RYR3: variants seen among roughly 807,000 people sequenced by gnomAD.
RYR3 encodes the protein ryanodine receptor 3.
RYR3 carries 207 observed loss-of-function variants against 584.3 expected under a neutral mutation model. The observed-to-expected ratio is 0.35, with a 90% CI of 0.32 to 0.40. The LOEUF (loss-of-function observed/expected upper bound fraction) is 0.40. Among genes scored for constraint, RYR3 ranks in the 10% least tolerant of loss-of-function variants. The pLI is 1.00. For missense variants in RYR3, 5,616 were observed against 6,089.2 expected, an observed-to-expected ratio of 0.92 and a Z score of 2.59; for synonymous variants, 2,416 against 2,248.5, an observed-to-expected ratio of 1.07 and a Z score of -2.11.
In RYR3 at chr15:33,780,306, C is replaced by T. The variant is rs1465857409; in HGVS notation, c.9233C>T (p.Ser3078Leu). Residue 3078 changes from serine (S) to leucine (L), a missense_variant, in exon 65 of 104, where the codon TCG becomes TTG. By Grantham distance (145) the Ser-to-Leu change is moderately radical (BLOSUM62 -2). Transcript: ENST00000634891. ...EPTLNRYNPL[S>L]VFNTKTPRER... ...ACCCTTAATCGCTACAATCCACTCTCGGTCTTCAACACCAAAACCCCCAGG... is the reference window on the plus strand; with the variant it reads ...ACCCTTAATCGCTACAATCCACTCTTGGTCTTCAACACCAAAACCCCCAGG... 8 of 1,613,888 alleles carry T rather than the reference C, an allele frequency of 5.0e-6. No individual in the cohort carries two copies. In the African/African-American group the frequency reaches 6.7e-5, roughly 13 times the overall value.
intron 1 of RYR3, among the ~76,000 whole-genome samples, chr15:33,318,909 G>A (rs144582487): frequency 2.6e-4 from 39 of 152,208 alleles, no homozygotes; most frequent in African/African-American, 9.1e-4. Flanking sequence ...TCATTAACAC[G>A]TCACTCATAC....
At position 33,812,883 on chromosome 15, in the gene RYR3, A is replaced by G. The variant is rs16958093; in HGVS notation, c.10278A>G (p.Lys3426=). The part of the protein sequence containing the change: ...LQEKSDDPAV[K]WQLNLYKDVL... ...TTCAGTCTGATGACCCAGCTGTAAA[A>G]TGGCAACTGAACCTCTACAAGGATG... Residue 3426 remains lysine (K), a synonymous_variant, in exon 73 of 104, where the codon AAA becomes AAG. Transcript: ENST00000634891. 6.1e-3 allele frequency: 9,843 copies of G among 1,613,862 alleles called. 490 individuals are homozygous for G. The African/African-American group carries it at 0.11, about 18-fold the overall frequency.
chr15:33,484,748 A>G (rs1256393943), intron 2 of RYR3, among the ~76,000 whole-genome samples: 1 of 152,168 alleles, frequency 6.6e-6, no homozygotes, highest in African/African-American at 2.4e-5. Context: ...TAGGGCATAT[A>G]TTGGAGGAGG....
intron 69 of RYR3, among the ~76,000 whole-genome samples, chr15:33,805,934 T>TCCTCCCTTCC (rs1250971855): frequency 6.8e-6 from 1 of 147,698 alleles, no homozygotes; most frequent in Non-Finnish European, 1.5e-5. Context: ...TCCCCTTTTC[T>TCCTCCCTTCC]CCTCCCTTCC....
chr15:33,623,717 G>A (rs1347584838), intron 19 of RYR3, 90 bp from the exon 20 acceptor site: 1 of 884,124 alleles, frequency 1.1e-6, no homozygotes, highest in Non-Finnish European at 1.8e-6. Flanking sequence ...TGTTGAGGGT[G>A]GGAGGTAGGG....
At chr15:33,693,193 G>A (rs908309692) in intron 38 of RYR3, among the ~76,000 whole-genome samples, 7 of 152,224 alleles carry the variant, frequency 4.6e-5, no homozygotes, top group Non-Finnish European at 8.8e-5. Context: ...TTCTTACTAC[G>A]TAAGTAATAA....
At chr15:33,789,843 TG>T (rs1366822137) in intron 67 of RYR3, among the ~76,000 whole-genome samples, 2 of 142,548 alleles carry the variant, frequency 1.4e-5, no homozygotes, top group Non-Finnish European at 3.1e-5. Context: ...CCTGGCTAAT[TG>T]TTTGGTATTT....
chr15:33,437,715 C>T (rs1294287706), intron 1 of RYR3, among the ~76,000 whole-genome samples: 1 of 152,166 alleles, frequency 6.6e-6, no homozygotes, highest in Non-Finnish European at 1.5e-5. Context: ...TTCTCTAATA[C>T]CACATTATCC....
chr15:33,540,177 G>A lies in RYR3; in HGVS notation c.547-614G>A, dbSNP rs138676401. On this transcript the variant is annotated intron_variant, in intron 6 of 103. Transcript: ENST00000634891. ...ACTCCCATTATTCTGAATTTATTAC[G>A]TTGTTTAGCTCTTGTTTAGGGAAGA... is the stretch of plus-strand genomic sequence containing the variant. Among the ~76,000 whole-genome samples the A allele has an allele frequency of 6.6e-4, 100 of 152,260 alleles. 2 individuals are homozygous for A. The East Asian group carries it at 8.1e-3, about 12-fold the overall frequency.
chr15:33,419,650 G>A (rs183058832), intron 1 of RYR3, among the ~76,000 whole-genome samples: 10 of 152,214 alleles, frequency 6.6e-5, no homozygotes, highest in Admixed American at 2.0e-4. Context: ...AAATTCTCAC[G>A]TTTTAGGGGC....
chr15:33,683,498 C>A (rs1008874836), intron 38 of RYR3, among the ~76,000 whole-genome samples: 1 of 152,094 alleles, frequency 6.6e-6, no homozygotes, highest in Non-Finnish European at 1.5e-5. Context: ...AAAATCCTAC[C>A]AAAATTGGGG....
At chr15:33,733,421 A>G (rs2152824955) in intron 48 of RYR3, among the ~76,000 whole-genome samples, 1 of 152,374 alleles carries the variant, frequency 6.6e-6, no homozygotes, top group East Asian at 1.9e-4. Context: ...AGTGCTAAAA[A>G]GAAATGAGCT....
intron 43 of RYR3, among the ~76,000 whole-genome samples, chr15:33,707,333 A>G (rs2066790203): frequency 6.6e-6 from 1 of 152,176 alleles, no homozygotes; most frequent in Admixed American, 6.5e-5. Context: ...ATCTCTCTGC[A>G]CTGTAAAAGG....
At chr15:33,396,822 T>C (rs547538246) in intron 1 of RYR3, among the ~76,000 whole-genome samples, 1 of 152,268 alleles carries the variant, frequency 6.6e-6, no homozygotes, top group South Asian at 2.1e-4. Flanking sequence ...CTCATAGATA[T>C]CCTGGGCTAC....
At chr15:33,362,771 T>G (rs1733911549) in intron 1 of RYR3, among the ~76,000 whole-genome samples, 1 of 152,202 alleles carries the variant, frequency 6.6e-6, no homozygotes, top group Admixed American at 6.5e-5. Flanking sequence ...ACCATGACTG[T>G]CCTTCAGTAC....
intron 13 of RYR3, 126 bp from the exon 14 acceptor site, chr15:33,581,382 T>C: frequency 1.1e-6 from 1 of 939,922 alleles, no homozygotes; most frequent in Non-Finnish European, 1.6e-6. Context: ...ACTGGCACCA[T>C]GAAGGTCTAT....
chr15:33,721,428 T>C (rs986097147), intron 43 of RYR3, among the ~76,000 whole-genome samples: 17 of 152,366 alleles, frequency 1.1e-4, no homozygotes, highest in African/African-American at 3.4e-4. Flanking sequence ...ATATTTATTG[T>C]TCTAGCCTGC....
intron 1 of RYR3, among the ~76,000 whole-genome samples, chr15:33,380,554 G>C (rs927700380): frequency 6.6e-6 from 1 of 152,212 alleles, no homozygotes; most frequent in African/African-American, 2.4e-5. Context: ...AAGGGAGAGG[G>C]CTAAATATAG....
intron 50 of RYR3, among the ~76,000 whole-genome samples, chr15:33,738,861 C>G (rs553902683): frequency 1.1e-4 from 17 of 152,328 alleles, no homozygotes; most frequent in African/African-American, 4.1e-4. Flanking sequence ...GAATTCCACA[C>G]AGATCATCTG....
Sources: allele counts gnomAD v4.1 joint callset (sites outside exome capture counted in the v4.1 genomes callset), GRCh38; gene constraint gnomAD v4.1.1; transcripts MANE v1.5; gene names NCBI Gene and HGNC (gene_info 2026-07-23, HGNC 2026-07-21).